Variants in PCDH11X observed in about 807,000 individuals in gnomAD.
The protein encoded by PCDH11X is protocadherin-11 X-linked.
A neutral mutation model predicts 53.3 loss-of-function variants in PCDH11X; 18 were observed. The ratio of observed to expected loss-of-function variants is 0.34; its 90% confidence interval spans 0.23 to 0.50. The LOEUF (loss-of-function observed/expected upper bound fraction) is 0.50, where lower values mean the gene tolerates loss of function less well. Among genes scored for constraint, PCDH11X ranks in the 20% least tolerant of loss-of-function variants. PCDH11X has a pLI of 0.98. For synonymous variants in PCDH11X, 279 were observed against 393.3 expected (o/e 0.71, Z 3.44); for missense variants, 570 against 1,032.4 (o/e 0.55, Z 6.14).
At chrX:92,345,507 A>G (rs1301120958) in intron 8 of PCDH11X, among the ~76,000 whole-genome samples, 1 of 110,930 alleles carries the variant, frequency 9.0e-6, no homozygotes. Flanking sequence ...TATTCTCAAC[A>G]CAATCAGAAT....
At chrX:92,292,140 A>T (rs1486203822) in intron 8 of PCDH11X, among the ~76,000 whole-genome samples, 4 of 111,786 alleles carry the variant, frequency 3.6e-5, no homozygotes, top group Admixed American at 2.9e-4. Flanking sequence ...GTCTTTCTGG[A>T]TTATGGATGC....
At chrX:92,605,577 A>C (rs1402658569) in intron 10 of PCDH11X, among the ~76,000 whole-genome samples, 8 of 112,077 alleles carry the variant, frequency 7.1e-5, no homozygotes, top group African/African-American at 2.6e-4. Context: ...TTATACAGAA[A>C]ATCTTACGAA....
At chrX:92,386,556 T>C (rs2071015553) in intron 8 of PCDH11X, among the ~76,000 whole-genome samples, 1 of 110,872 alleles carries the variant, frequency 9.0e-6, no homozygotes. Context: ...CTATTTCTGC[T>C]CCACAATGAC....
chrX:92,116,040 G>A (rs758223358), intron 6 of PCDH11X, among the ~76,000 whole-genome samples: 1 of 111,560 alleles, frequency 9.0e-6, no homozygotes, highest in Admixed American at 9.6e-5. Flanking sequence ...GTTTCTCTGA[G>A]CGATAGTTGC....
At chrX:92,124,865 G>A (rs2064833651) in intron 6 of PCDH11X, among the ~76,000 whole-genome samples, 1 of 110,878 alleles carries the variant, frequency 9.0e-6, no homozygotes, top group Admixed American at 9.7e-5. Flanking sequence ...TTGTTTGTTT[G>A]TTGCTTATCT....
At chrX:92,548,015 A>G (rs1317080468) in intron 10 of PCDH11X, among the ~76,000 whole-genome samples, 2 of 110,379 alleles carry the variant, frequency 1.8e-5, no homozygotes, top group Non-Finnish European at 3.8e-5. Flanking sequence ...AAAGGTGATT[A>G]AAACCAAAAG....
At chrX:92,114,197 A>G in intron 6 of PCDH11X, 1 of 1,103,082 alleles carries the variant, frequency 9.1e-7, no homozygotes, top group Non-Finnish European at 1.3e-6. Flanking sequence ...TGCAGAATCG[A>G]TATGGCAAAT....
chrX:91,864,547 T>G, intron 5 of PCDH11X, among the ~76,000 whole-genome samples: 1 of 97,208 alleles, frequency 1.0e-5, no homozygotes, highest in Non-Finnish European at 2.0e-5. Flanking sequence ...TTGATATATT[T>G]TTCTAGGTTT....
intron 6 of PCDH11X, among the ~76,000 whole-genome samples, chrX:91,960,781 G>A (rs1357047926): frequency 9.0e-6 from 1 of 110,958 alleles, no homozygotes; most frequent in Admixed American, 9.6e-5. Flanking sequence ...AAGTGGTGTA[G>A]GGGTGCACTT....
intron 9 of PCDH11X, among the ~76,000 whole-genome samples, chrX:92,406,098 C>CAAAAAA (rs61310716): frequency 1.8e-5 from 1 of 56,488 alleles, no homozygotes; most frequent in Non-Finnish European, 3.0e-5. Context: ...GACTCTGTCT[C>CAAAAAA]AAAAAAAAAA....
At chrX:92,211,899 A>G (rs771379169) in intron 7 of PCDH11X, among the ~76,000 whole-genome samples, 12 of 110,454 alleles carry the variant, frequency 1.1e-4, no homozygotes, top group Non-Finnish European at 1.7e-4. Context: ...AAGGAAAACT[A>G]CCTTTCTAGA....
intron 10 of PCDH11X, among the ~76,000 whole-genome samples, chrX:92,601,854 G>A (rs1325878974): frequency 9.0e-6 from 1 of 110,885 alleles, no homozygotes; most frequent in Non-Finnish European, 1.9e-5. Context: ...CCAACTCCAA[G>A]TCTAGGGTTA....
intron 6 of PCDH11X, among the ~76,000 whole-genome samples, chrX:92,050,059 G>A (rs2063347471): frequency 8.9e-6 from 1 of 111,936 alleles, no homozygotes; most frequent in Non-Finnish European, 1.9e-5. Context: ...ACAGGCATGA[G>A]CCACCAGGCC....
intron 7 of PCDH11X, among the ~76,000 whole-genome samples, chrX:92,247,561 GC>G (rs927674421): frequency 9.0e-6 from 1 of 111,478 alleles, no homozygotes; most frequent in Admixed American, 9.6e-5. Context: ...TGTTCTCAGA[GC>G]CGTGCTCCCT....
intron 6 of PCDH11X, among the ~76,000 whole-genome samples, chrX:92,168,870 G>T (rs1372968163): frequency 9.0e-6 from 1 of 111,445 alleles, no homozygotes; most frequent in Non-Finnish European, 1.9e-5. Flanking sequence ...CCATTATAAG[G>T]TCTGCTTTGG....
intron 7 of PCDH11X, among the ~76,000 whole-genome samples, chrX:92,248,200 G>C (rs2067387528): frequency 9.0e-6 from 1 of 111,114 alleles, no homozygotes; most frequent in Admixed American, 9.6e-5. Flanking sequence ...AAATAAACAA[G>C]AGATGGAACC....
chrX:92,157,010 C>T (rs1409119623), intron 6 of PCDH11X, among the ~76,000 whole-genome samples: 2 of 112,064 alleles, frequency 1.8e-5, no homozygotes, highest in Non-Finnish European at 3.8e-5. Flanking sequence ...TCCATTACCA[C>T]TTCCAAAAAT....
At chrX:91,805,669 T>C (rs889223624) in intron 1 of PCDH11X, among the ~76,000 whole-genome samples, 14 of 89,918 alleles carry the variant, frequency 1.6e-4, no homozygotes, top group Admixed American at 3.3e-4. Flanking sequence ...CATTTTTTTT[T>C]TTAAATTAGC....
chrX:91,818,863 C>T (rs935188762), intron 4 of PCDH11X, among the ~76,000 whole-genome samples: 5 of 111,177 alleles, frequency 4.5e-5, no homozygotes, highest in Admixed American at 9.6e-5. Flanking sequence ...TACACATGCA[C>T]GCACATAAAT....
Sources: gnomAD v4.1 joint callset for allele counts (sites outside exome capture counted in the v4.1 genomes callset) on GRCh38, gnomAD v4.1.1 for gene constraint, MANE v1.5 for transcripts, NCBI Gene and HGNC (gene_info 2026-07-23, HGNC 2026-07-21) for gene names.